Variants in HMCN1 observed in about 807,000 individuals in gnomAD.
HMCN1 encodes hemicentin 1, also known as hemicentin-1.
Under a neutral mutation model 625.9 loss-of-function variants are expected in HMCN1, and 321 were observed. The observed-to-expected ratio is 0.51, with a 90% CI of 0.47 to 0.56. The LOEUF is 0.56. HMCN1 is among the 20% of genes least tolerant of loss of function. The probability of loss-of-function intolerance (pLI) is 0.00; values close to 1 mark genes in which losing one functional copy is unlikely to be tolerated. For missense variants in HMCN1, 6,588 were observed against 6,887.3 expected (o/e 0.96, Z 1.54); for synonymous variants, 2,425 against 2,417.6 (o/e 1.00, Z -0.09).
chr1:186,072,118 C>T (rs1658514774), intron 52 of HMCN1, among the ~76,000 whole-genome samples: 1 of 152,134 alleles, frequency 6.6e-6, no homozygotes, highest in Non-Finnish European at 1.5e-5. Context: ...AATTGGTCTC[C>T]TAGAATGTGA....
At chr1:186,027,413 A>G (rs975387839) in intron 36 of HMCN1, among the ~76,000 whole-genome samples, 9 of 152,230 alleles carry the variant, frequency 5.9e-5, no homozygotes, top group Non-Finnish European at 1.0e-4. Context: ...CATTCATTTT[A>G]TCTGCACACA....
At chr1:185,974,320 T>C (rs537649665) in intron 15 of HMCN1, among the ~76,000 whole-genome samples, 55 of 152,314 alleles carry the variant, frequency 3.6e-4, no homozygotes, top group Non-Finnish European at 6.6e-4. Context: ...ATAATATGTT[T>C]AATGAGTGTT....
intron 102 of HMCN1, among the ~76,000 whole-genome samples, chr1:186,174,109 A>G (rs1652411474): frequency 6.6e-6 from 1 of 152,214 alleles, no homozygotes; most frequent in Non-Finnish European, 1.5e-5. Flanking sequence ...GGTTTGAACT[A>G]GTGGTAAAAC....
chr1:186,113,064 C>G, intron 72 of HMCN1, 111 bp downstream of exon 72: 1 of 1,335,854 alleles, frequency 7.5e-7, no homozygotes. Context: ...GCTTATCTTA[C>G]TGCTTTTGAA....
chr1:185,957,816 A>G (rs1156521008), intron 11 of HMCN1, among the ~76,000 whole-genome samples: 1 of 152,180 alleles, frequency 6.6e-6, no homozygotes, highest in Non-Finnish European at 1.5e-5. Flanking sequence ...ATTTCTCAAG[A>G]TGGTTGATGA....
chr1:186,162,614 T>A (rs1651577723), intron 97 of HMCN1, among the ~76,000 whole-genome samples: 1 of 152,202 alleles, frequency 6.6e-6, no homozygotes, highest in Non-Finnish European at 1.5e-5. Context: ...TTTCTGTTTG[T>A]TAGTTTTCCT....
chr1:185,791,736 A>G (rs892682254), intron 1 of HMCN1, among the ~76,000 whole-genome samples: 3 of 151,994 alleles, frequency 2.0e-5, no homozygotes, highest in African/African-American at 7.3e-5. Flanking sequence ...AAACAAACAA[A>G]CAAACAAACA....
chr1:186,092,136 C>T (rs746724080), intron 64 of HMCN1, among the ~76,000 whole-genome samples: 131 of 151,662 alleles, frequency 8.6e-4, no homozygotes, highest in Non-Finnish European at 1.6e-3. Flanking sequence ...TCTATCATTC[C>T]TTCTCCTACA....
At chr1:185,810,680 G>GTGTGTGTGTGTGTC (rs1405109599) in intron 1 of HMCN1, among the ~76,000 whole-genome samples, 1 of 151,872 alleles carries the variant, frequency 6.6e-6, no homozygotes, top group East Asian at 1.9e-4. Context: ...GTGTGTGTGT[G>GTGTGTGTGTGTGTC]TGTGTGTGTA....
At chr1:186,178,373 ATG>A in intron 103 of HMCN1, 41 bp from the exon 104 acceptor site, 1 of 1,347,324 alleles carries the variant, frequency 7.4e-7, no homozygotes, top group Non-Finnish European at 1.1e-6. Flanking sequence ...GTGTGTATGT[ATG>A]TGTCTTTTTT....
Position 186,055,657 on chromosome 1 carries a change from A to G in HMCN1, c.7127A>G (p.Tyr2376Cys). The G allele has an allele frequency of 6.2e-7, 1 of 1,612,606 alleles. No individual in the cohort carries two copies. The change falls in exon 45 of 107, where the codon TAT becomes TGT. Residue 2376 changes from tyrosine (Y) to cysteine (C), a missense_variant. Physicochemically the swap from Tyr to Cys is radical, Grantham distance 194 (BLOSUM62 -2). Around this residue, in one of 3 missense-constraint regions of HMCN1, gnomAD observed 4,628 missense variants for 4,853.1 expected, o/e 0.95. Transcript: ENST00000271588. ...GTAGCAGGAATGACTGACAAAAAAT[A>G]TGACTTAAGTGTCCATGGTAAGTAG... ...VNVAGMTDKK[Y>C]DLSVHAPPSI...
intron 1 of HMCN1, among the ~76,000 whole-genome samples, chr1:185,745,316 A>T (rs945207814): frequency 6.6e-6 from 1 of 152,240 alleles, no homozygotes; most frequent in Non-Finnish European, 1.5e-5. Flanking sequence ...AGTTCATTCT[A>T]TACTTGAATA....
At chr1:186,127,800 A>G (rs1170831553) in intron 82 of HMCN1, among the ~76,000 whole-genome samples, 1 of 152,166 alleles carries the variant, frequency 6.6e-6, no homozygotes, top group African/African-American at 2.4e-5. Context: ...GAGCAGCAAT[A>G]CACTTGATAT....
chr1:186,142,463 A>G (rs185904751), intron 89 of HMCN1, among the ~76,000 whole-genome samples: 24 of 152,316 alleles, frequency 1.6e-4, no homozygotes, highest in African/African-American at 5.8e-4. Context: ...GTGCTTAATG[A>G]ACACACAGGT....
At chr1:186,169,817 C>T (rs1373755302) in intron 100 of HMCN1, among the ~76,000 whole-genome samples, 2 of 152,040 alleles carry the variant, frequency 1.3e-5, no homozygotes, top group East Asian at 1.9e-4. Flanking sequence ...CAACAAAAGT[C>T]GAAATTGACA....
In HMCN1 at chr1:185,963,893, T is replaced by C. The variant is rs746494097; in HGVS notation, c.2096T>C (p.Ile699Thr). 8.1e-6 allele frequency: 13 copies of C among 1,611,292 alleles called. No homozygotes were observed. Among genetic ancestry groups the C allele is most frequent in the Admixed American group, 3.3e-5 (2 of 59,946 alleles). Residue 699 changes from isoleucine to threonine, a missense_variant and splice_region_variant, in exon 13 of 107, where the codon ATT becomes ACT. By Grantham distance (89) the Ile-to-Thr change is moderately conservative (BLOSUM62 -1). This residue lies in a region of HMCN1 where 4,628 missense variants were observed against 4,853.1 expected (regional missense o/e 0.95). Transcript: ENST00000271588. ...TDKQNSTLRYIEAPKLMVVQS... is the reference protein window; with the variant it reads ...TDKQNSTLRYTEAPKLMVVQS... ...AAACAGAATTCTACTCTCAGATACA[T>C]TGGCAAGTATAATCACTTTAAAAGG... is the stretch of plus-strand genomic sequence containing the variant.
intron 86 of HMCN1, among the ~76,000 whole-genome samples, chr1:186,133,074 A>G (rs1662030687): frequency 6.6e-6 from 1 of 152,134 alleles, no homozygotes; most frequent in African/African-American, 2.4e-5. Flanking sequence ...CAAGTTTTGA[A>G]TACTAGTTCA....
At chr1:186,004,397 G>C (rs1653405480) in intron 29 of HMCN1, among the ~76,000 whole-genome samples, 1 of 152,072 alleles carries the variant, frequency 6.6e-6, no homozygotes. Flanking sequence ...GATATCTAAG[G>C]CCTAAGTAGA....
chr1:186,059,691 C>T (rs1294948203), intron 46 of HMCN1, among the ~76,000 whole-genome samples: 1 of 152,124 alleles, frequency 6.6e-6, no homozygotes, highest in Middle Eastern at 3.4e-3. Flanking sequence ...AGAATTTAAG[C>T]ATAGCTTTTC....
Sources: allele counts gnomAD v4.1 joint callset (sites outside exome capture counted in the v4.1 genomes callset), GRCh38; gene constraint gnomAD v4.1.1; regional missense constraint gnomAD v4.1.1; transcripts MANE v1.5; gene names NCBI Gene and HGNC (gene_info 2026-07-23, HGNC 2026-07-21).